Variants in TET3 observed in about 807,000 individuals in gnomAD.
The protein encoded by TET3 is methylcytosine dioxygenase TET3.
Under a neutral mutation model 141.4 loss-of-function variants are expected in TET3, and 19 were observed. That is an observed-to-expected ratio of 0.13 (90% CI 0.09 to 0.20). The LOEUF is 0.20. Ranked by LOEUF, TET3 falls within the 10% of genes least tolerant of loss-of-function variation. The probability of loss-of-function intolerance (pLI) is 1.00; values close to 1 mark genes in which losing one functional copy is unlikely to be tolerated. For synonymous variants in TET3, 1,043 were observed against 980.9 expected (o/e 1.06, Z -1.18); for missense variants, 1,874 against 2,356.9 (o/e 0.80, Z 4.24).
the TET3 span, among the ~76,000 whole-genome samples, chr2:74,133,727 A>T: frequency 0.015 from 2,263 of 152,252 alleles, 61 homozygotes; most frequent in African/African-American, 0.05. Context: ...ACTGCAGGTC[A>T]CTTTCACTTT....
chr2:74,074,452 G>A (rs1202180722), intron 5 of TET3, among the ~76,000 whole-genome samples: 1 of 152,166 alleles, frequency 6.6e-6, no homozygotes, highest in Non-Finnish European at 1.5e-5. Flanking sequence ...AGGACTCTAG[G>A]GTTTCTGTTT....
At chr2:74,019,977 G>A (rs1244594252) in intron 3 of TET3, among the ~76,000 whole-genome samples, 4 of 152,142 alleles carry the variant, frequency 2.6e-5, no homozygotes, top group Non-Finnish European at 5.9e-5. Context: ...TTCCCTTAGG[G>A]GATGAGGACT....
the TET3 span, among the ~76,000 whole-genome samples, chr2:74,119,817 A>G: frequency 2.0e-5 from 3 of 152,206 alleles, no homozygotes; most frequent in African/African-American, 7.2e-5. Context: ...GTTTTGAAAA[A>G]GCATCTTTAC....
chr2:74,047,761 G>C lies in TET3; in HGVS notation c.1844G>C (p.Arg615Pro). Residue 615 changes from arginine (R) to proline (P), a missense_variant, in exon 4 of 12, where the codon CGG becomes CCG. Arg to Pro is a moderately radical substitution (Grantham distance 103, BLOSUM62 -2). Around this residue, in one of 10 missense-constraint regions of TET3, gnomAD observed 484 missense variants for 462.2 expected, o/e 1.05. Transcript: ENST00000409262. ...ATTCAGATCAAGAAGTCCAGGCCCC[G>C]GGAAGCACAGCCCCTCTTCCCACCT... ...KPIQIKKSRP[R>P]EAQPLFPPVR... 6.2e-7 allele frequency: 1 copy of C among 1,613,648 alleles called. No individual in the cohort carries two copies.
At chr2:73,984,150 C>G (rs1390124532), upstream of TET3, among the ~76,000 whole-genome samples, 1 of 152,236 alleles carries the variant, frequency 6.6e-6, no homozygotes, top group Non-Finnish European at 1.5e-5. This position sits in a 1 kb window ranked among gnomAD's most constrained non-coding sequence, Gnocchi z 5.6. Flanking sequence ...CCCTCCTGAA[C>G]GCTGTCCTCC....
the TET3 span, among the ~76,000 whole-genome samples, chr2:74,118,515 A>G: frequency 6.6e-6 from 1 of 152,230 alleles, no homozygotes; most frequent in Admixed American, 6.5e-5. Context: ...AATACAGTAT[A>G]TAATACATAT....
At position 74,066,601 on chromosome 2, in the gene TET3, C is replaced by T. The variant is rs557584170; in HGVS notation, c.2495-6948C>T. On this transcript the variant is annotated intron_variant, in intron 4 of 11. Transcript: ENST00000409262. ...GAGGAGACATAAGTAAAAGAAACTG[C>T]TTTTAAGAGACTCCTTGGGCTGCCC... Among the ~76,000 whole-genome samples, 7 of 149,934 alleles carry T rather than the reference C, an allele frequency of 4.7e-5. No individual in the cohort carries two copies. In the East Asian group the frequency reaches 5.8e-4, roughly 12 times the overall value.
At chr2:74,049,621 A>G (rs1573789287) in intron 4 of TET3, among the ~76,000 whole-genome samples, 1 of 152,314 alleles carries the variant, frequency 6.6e-6, no homozygotes, top group East Asian at 1.9e-4. Flanking sequence ...TGTGATACAC[A>G]GACGGGTCTT....
chr2:74,041,952 C>T (rs1182465187), intron 3 of TET3, among the ~76,000 whole-genome samples: 1 of 152,190 alleles, frequency 6.6e-6, no homozygotes, highest in African/African-American at 2.4e-5. Context: ...GCACCTGGTT[C>T]TGTCACTCAA....
Position 74,047,897 on chromosome 2 carries a change from A to G in TET3, c.1980A>G (p.Pro660=). ...AGGGCTCTGCTGTGCCCCTGCCCCC[A>G]GAACCTTCTCTTGCGCTATTTGCAC... ...ASQGSAVPLP[P]EPSLALFAPS... Residue 660 remains proline (P), a synonymous_variant, in exon 4 of 12, where the codon CCA becomes CCG. Transcript: ENST00000409262. The G allele has an allele frequency of 6.2e-7, 1 of 1,612,910 alleles. No homozygotes were observed. Among genetic ancestry groups the G allele is most frequent in the Non-Finnish European group, 8.5e-7 (1 of 1,179,572 alleles).
intron 10 of TET3, 28 bp from the exon 11 acceptor site, chr2:74,099,248 G>T: frequency 6.5e-7 from 1 of 1,538,962 alleles, no homozygotes; most frequent in South Asian, 1.2e-5. Flanking sequence ...CCAACCCCAT[G>T]TCCTCTCTCC....
intron 2 of TET3, among the ~76,000 whole-genome samples, chr2:74,000,116 G>A (rs906724377): frequency 2.6e-5 from 4 of 152,164 alleles, no homozygotes; most frequent in Admixed American, 6.5e-5. Context: ...TGCTGGTTGA[G>A]CAAGTCTGGG....
chr2:74,069,662 C>G (rs552980299), intron 4 of TET3, among the ~76,000 whole-genome samples: 1 of 151,994 alleles, frequency 6.6e-6, no homozygotes, highest in South Asian at 2.1e-4. Context: ...TCATAGCTCA[C>G]TGCAGCCTTG....
intron 4 of TET3, among the ~76,000 whole-genome samples, chr2:74,065,153 T>C (rs1688812532): frequency 6.6e-6 from 1 of 152,236 alleles, no homozygotes; most frequent in Admixed American, 6.5e-5. Context: ...ATTGCCATGG[T>C]TTAAGTGACA....
intron 4 of TET3, among the ~76,000 whole-genome samples, chr2:74,065,703 TTC>T (rs1289653055): frequency 1.3e-5 from 2 of 151,628 alleles, no homozygotes; most frequent in East Asian, 3.9e-4. Flanking sequence ...TTCTTTTTCT[TTC>T]TTTCTTTCCT....
chr2:74,130,784 G>A, the TET3 span: 2 of 152,206 alleles, frequency 1.3e-5, no homozygotes, highest in Non-Finnish European at 2.9e-5. Context: ...ACAAACAATT[G>A]CCGGCTGCGA....
chr2:74,060,896 A>T (rs1337275741), intron 4 of TET3, among the ~76,000 whole-genome samples: 1 of 152,226 alleles, frequency 6.6e-6, no homozygotes, highest in East Asian at 1.9e-4. Context: ...CAAAGTGAAA[A>T]GTCTCCCATG....
chr2:74,134,162 C>T, the TET3 span, among the ~76,000 whole-genome samples: 3 of 152,162 alleles, frequency 2.0e-5, no homozygotes, highest in East Asian at 1.9e-4. Flanking sequence ...TGACCACTGC[C>T]GTCCTGCTGG....
intron 3 of TET3, among the ~76,000 whole-genome samples, chr2:74,039,373 C>T (rs1687228644): frequency 6.6e-6 from 1 of 152,158 alleles, no homozygotes; most frequent in South Asian, 2.1e-4. Flanking sequence ...GCCCACCTGC[C>T]CAGATAGCTG....
Sources: gnomAD v4.1 joint callset for allele counts (sites outside exome capture counted in the v4.1 genomes callset) on GRCh38, gnomAD v4.1.1 for gene constraint, gnomAD v4.1.1 regional missense constraint, Gnocchi (gnomAD v3.1) non-coding constraint, MANE v1.5 for transcripts, NCBI Gene and HGNC (gene_info 2026-07-23, HGNC 2026-07-21) for gene names.